The following SAMD5 variants were observed in gnomAD, a reference collection of about 807,000 sequenced individuals.
SAMD5 encodes the protein sterile alpha motif domain containing 5.
A neutral mutation model predicts 11.3 loss-of-function variants in SAMD5; 13 were observed. That is an observed-to-expected ratio of 1.15 (90% CI 0.75 to 1.83). The LOEUF is 1.83. Among genes scored for constraint, SAMD5 ranks in the 40% most tolerant of loss-of-function variants. The pLI is 0.00. For synonymous variants in SAMD5, 129 were observed against 111.3 expected (o/e 1.16, Z -1.00); for missense variants, 255 against 239.1 (o/e 1.07, Z -0.44).
intron 1 of SAMD5, among the ~76,000 whole-genome samples, chr6:147,678,685 A>T (rs1438077777): frequency 6.6e-6 from 1 of 152,230 alleles, no homozygotes; most frequent in Non-Finnish European, 1.5e-5. Context: ...ATAGAGAAAT[A>T]AGCCATAAAA....
chr6:147,626,422 A>C (rs1240154352), intron 1 of SAMD5, among the ~76,000 whole-genome samples: 2 of 151,480 alleles, frequency 1.3e-5, no homozygotes, highest in South Asian at 4.2e-4. Context: ...CCAAGAGTTT[A>C]CTGGACATTT....
chr6:147,714,676 A>G (rs1791442491), intron 1 of SAMD5, among the ~76,000 whole-genome samples: 1 of 152,204 alleles, frequency 6.6e-6, no homozygotes, highest in Admixed American at 6.5e-5. Context: ...GACAAAAATT[A>G]TATACTTTGA....
chr6:147,830,288 AC>A, the SAMD5 span, among the ~76,000 whole-genome samples: 1 of 72,666 alleles, frequency 1.4e-5, no homozygotes, highest in South Asian at 4.0e-4. Flanking sequence ...AATGAGTCTT[AC>A]TCTGTTGCCC....
intron 1 of SAMD5, among the ~76,000 whole-genome samples, chr6:147,646,425 T>C (rs1369943726): frequency 1.3e-5 from 2 of 150,056 alleles, no homozygotes; most frequent in Non-Finnish European, 3.0e-5. Context: ...CACTTATGTT[T>C]ATTGGTAACT....
At chr6:147,530,215 C>T (rs1323465354) in intron 1 of SAMD5, among the ~76,000 whole-genome samples, 1 of 152,156 alleles carries the variant, frequency 6.6e-6, no homozygotes, top group East Asian at 1.9e-4. Flanking sequence ...AATAATTAAC[C>T]TTAGATTTTG....
chr6:147,598,136 T>A (rs776830605), intron 1 of SAMD5, among the ~76,000 whole-genome samples: 2 of 152,080 alleles, frequency 1.3e-5, no homozygotes, highest in African/African-American at 2.4e-5. Context: ...GATTTTGTTT[T>A]ATTTTTGAGG....
rs1380402764 is a variant in SAMD5 at position 147,567,881 on chromosome 6, A to G, written c.*3425A>G. On this transcript the variant is annotated 3_prime_UTR_variant, in exon 2 of 2. Transcript: ENST00000367474. ...GAAAAGAATTTGATTTAAGGAAACA[A>G]TAACACTCCATCCTGGGCAACAGAG... is the stretch of plus-strand genomic sequence containing the variant. 1 of 985,544 alleles carries G rather than the reference A, an allele frequency of 1.0e-6. No individual in the cohort carries two copies. Among genetic ancestry groups the G allele is most frequent in the Non-Finnish European group, 1.2e-6 (1 of 830,014 alleles). The allele number at this position is 985,544 out of a possible 1,614,324, so 61.0% of individuals were successfully genotyped here. A position where few individuals can be genotyped will look rare whatever the true frequency, so the allele number is the denominator to read the frequency against.
chr6:147,866,327 G>A, the SAMD5 span, among the ~76,000 whole-genome samples: 5 of 152,174 alleles, frequency 3.3e-5, no homozygotes, highest in Admixed American at 6.5e-5. Context: ...GGAAGGATAC[G>A]TTTCCTTTGT....
At chr6:147,844,408 A>G in the SAMD5 span, among the ~76,000 whole-genome samples, 20 of 152,272 alleles carry the variant, frequency 1.3e-4, no homozygotes, top group Non-Finnish European at 1.0e-4. Flanking sequence ...GTAAATTAGT[A>G]TAGCCATTTT....
intron 1 of SAMD5, among the ~76,000 whole-genome samples, chr6:147,595,522 C>CTTTTTTTTTTTTTT (rs770537446): frequency 9.4e-6 from 1 of 106,628 alleles, no homozygotes; most frequent in African/African-American, 4.3e-5. Flanking sequence ...ACTAAACTAC[C>CTTTTTTTTTTTTTT]TTTTTTTTTT....
chr6:147,615,103 T>C (rs1789846300), intron 1 of SAMD5, among the ~76,000 whole-genome samples: 1 of 152,012 alleles, frequency 6.6e-6, no homozygotes, highest in Non-Finnish European at 1.5e-5. Context: ...ATGGAGGTTA[T>C]ATGCAAATAT....
the SAMD5 span, among the ~76,000 whole-genome samples, chr6:147,904,858 A>G: frequency 4.5e-4 from 68 of 150,912 alleles, no homozygotes; most frequent in African/African-American, 1.5e-3. Context: ...ATAACTCAAA[A>G]CTAACATAAT....
chr6:147,684,125 C>T (rs1334491070), intron 1 of SAMD5, among the ~76,000 whole-genome samples: 1 of 151,992 alleles, frequency 6.6e-6, no homozygotes, highest in Non-Finnish European at 1.5e-5. Context: ...CCACCATTAC[C>T]TCTTTCCCAG....
chr6:147,882,070 A>G, the SAMD5 span, among the ~76,000 whole-genome samples: 3 of 152,216 alleles, frequency 2.0e-5, no homozygotes, highest in South Asian at 6.2e-4. Flanking sequence ...TCTTTAACTT[A>G]TCATGTGTCT....
At chr6:147,704,252 A>G (rs1002689587) in intron 1 of SAMD5, among the ~76,000 whole-genome samples, 2 of 152,138 alleles carry the variant, frequency 1.3e-5, no homozygotes, top group African/African-American at 4.8e-5. Context: ...AAGAGGAATC[A>G]TAAGATAGGA....
chr6:147,914,359 T>G, the SAMD5 span, among the ~76,000 whole-genome samples: 8 of 152,056 alleles, frequency 5.3e-5, no homozygotes, highest in Non-Finnish European at 1.2e-4. Flanking sequence ...AACAACAAGA[T>G]AACCACAAGG....
chr6:147,741,421 A>T (rs1372313336), downstream of SAMD5: 1 of 152,136 alleles, frequency 6.6e-6, no homozygotes, highest in Non-Finnish European at 1.5e-5. Context: ...GTTTTACTGA[A>T]TTGAGCAATT....
At chr6:147,928,989 A>G in the SAMD5 span, among the ~76,000 whole-genome samples, 2 of 142,862 alleles carry the variant, frequency 1.4e-5, no homozygotes, top group Non-Finnish European at 3.0e-5. Flanking sequence ...TTTTTTTTTT[A>G]GTCTTGACTT....
intron 1 of SAMD5, among the ~76,000 whole-genome samples, chr6:147,540,947 T>TG: frequency 7.1e-6 from 1 of 140,758 alleles, no homozygotes; most frequent in African/African-American, 2.7e-5. Flanking sequence ...TTTTTTTTTT[T>TG]TTTTTTTTTT....
Sources: allele counts gnomAD v4.1 joint callset (sites outside exome capture counted in the v4.1 genomes callset), GRCh38; gene constraint gnomAD v4.1.1; transcripts MANE v1.5; gene names NCBI Gene and HGNC (gene_info 2026-07-23, HGNC 2026-07-21).